Variants in PRIMA1 observed in about 807,000 individuals in gnomAD.
PRIMA1 encodes the protein proline rich membrane anchor 1.
A neutral mutation model predicts 17.5 loss-of-function variants in PRIMA1; 7 were observed. That is an observed-to-expected ratio of 0.40 (90% CI 0.23 to 0.75). The LOEUF (loss-of-function observed/expected upper bound fraction) is 0.75, where lower values mean the gene tolerates loss of function less well. Among genes scored for constraint, PRIMA1 ranks in the 30% least tolerant of loss-of-function variants. The probability of loss-of-function intolerance (pLI) is 0.37; values close to 1 mark genes in which losing one functional copy is unlikely to be tolerated. For missense variants in PRIMA1, 200 were observed against 201.8 expected (o/e 0.99, Z 0.05); for synonymous variants, 97 against 77.9 (o/e 1.25, Z -1.29).
In PRIMA1 at chr14:93,749,097, ACT is replaced by A. The variant is rs377472204; in HGVS notation, c.230-11729_230-11728del. 2.1e-3 allele frequency among the ~76,000 whole-genome samples: 319 copies of A among 151,244 alleles called. 3 individuals are homozygous for A. The highest frequency in any genetic ancestry group is 3.6e-3 in the Non-Finnish European group (244 of 67,742). On this transcript the variant is annotated intron_variant, in intron 3 of 4. Transcript: ENST00000393140. ...AAGGCCTTGTTACTCAACAGCATCT[ACT>A]CTCTTTTAGTAGCTGCATTCCACCC...
At chr14:93,786,836 C>G (rs1336934581) in intron 2 of PRIMA1, among the ~76,000 whole-genome samples, 1 of 152,186 alleles carries the variant, frequency 6.6e-6, no homozygotes, top group East Asian at 1.9e-4. Flanking sequence ...GTAATCCTTA[C>G]ATGCATTTAT....
At position 93,719,608 on chromosome 14, in the gene PRIMA1, AGAGTGCCCTGGGGT is replaced by A. The variant is rs1318924374; in HGVS notation, c.*1822_*1835del. On this transcript the variant is annotated 3_prime_UTR_variant, in exon 5 of 5. Transcript: ENST00000393140. ...ACCAGAAGGCTGAAGGCAGTAGGGG[AGAGTGCCCTGGGGT>A]GGGGTCTGCTGGGTTTCCCCCTTTA... 1 of 153,062 alleles carries A rather than the reference AGAGTGCCCTGGGGT, an allele frequency of 6.5e-6. No homozygotes were observed. Among genetic ancestry groups the A allele is most frequent in the African/African-American group, 2.4e-5 (1 of 41,556 alleles). 9.5% of individuals were successfully genotyped at this position (153,062 alleles called of 1,614,324 possible). A position where few individuals can be genotyped will look rare whatever the true frequency, so the allele number is the denominator to read the frequency against.
chr14:93,734,739 T>G (rs1404544747), intron 4 of PRIMA1, among the ~76,000 whole-genome samples: 1 of 114,412 alleles, frequency 8.7e-6, no homozygotes, highest in Admixed American at 9.1e-5. Flanking sequence ...GCCCACGCCC[T>G]GGTGGAGCCC....
chr14:93,722,987 G>A (rs989122592), intron 4 of PRIMA1, among the ~76,000 whole-genome samples: 3 of 152,080 alleles, frequency 2.0e-5, no homozygotes, highest in African/African-American at 7.3e-5. Context: ...AAGGCTGGGA[G>A]GGAGGCTCTG....
At chr14:93,783,858 A>G (rs577885655) in intron 2 of PRIMA1, among the ~76,000 whole-genome samples, 1 of 150,972 alleles carries the variant, frequency 6.6e-6, no homozygotes, top group Non-Finnish European at 1.5e-5. Context: ...CCTCTTCTCC[A>G]ACCACCATCC....
chr14:93,787,630 A>G lies in PRIMA1; in HGVS notation c.89T>C (p.Val30Ala), dbSNP rs1257343933. 1.3e-6 allele frequency: 2 copies of G among 1,541,510 alleles called. No individual in the cohort carries two copies. The highest frequency in any genetic ancestry group is 3.9e-5 in the Admixed American group (2 of 50,992). The change falls in exon 2 of 5, where the codon GTG becomes GCG. Residue 30 changes from valine to alanine, a missense_variant. Transcript: ENST00000393140. ...HCALHPLWGF[V>A]QVTHGEPQKS... is the part of the protein sequence containing the mutation. ...TGCGCAGCCGGCGCGTCTCACCTGC[A>G]CGAAGCCCCAGAGCGGGTGGAGCGC...
chr14:93,774,543 C>T (rs2141190067), intron 3 of PRIMA1, among the ~76,000 whole-genome samples: 1 of 152,352 alleles, frequency 6.6e-6, no homozygotes, highest in East Asian at 1.9e-4. Flanking sequence ...AGCAGGGAGC[C>T]TCCTGCCTGA....
intron 3 of PRIMA1, among the ~76,000 whole-genome samples, chr14:93,752,341 G>A (rs943088053): frequency 2.0e-5 from 3 of 152,160 alleles, no homozygotes; most frequent in African/African-American, 7.2e-5. Flanking sequence ...TTGGGAGACC[G>A]CAGGAGGGAG....
rs1212233425 is a variant in PRIMA1, at chr14:93,721,450, C to T, written c.456G>A (p.Val152=). ...GGGTCCAGGGCCTGCAGACTCACAC[C>T]ACTGCGTTGTTCACGTCTACTCCTT... ...SNKGVDVNNA[V]V Residue 152 remains valine (V), a synonymous_variant, in exon 5 of 5, where the codon GTG becomes GTA. Coordinates refer to ENST00000393140, the MANE Select transcript of PRIMA1 (RefSeq NM_178013.4). 1.9e-6 allele frequency: 3 copies of T among 1,609,656 alleles called. No individual in the cohort carries two copies. The highest frequency in any genetic ancestry group is 2.6e-6 in the Non-Finnish European group (3 of 1,176,192).
chr14:93,739,406 G>A (rs996037767), intron 3 of PRIMA1, among the ~76,000 whole-genome samples: 5 of 152,238 alleles, frequency 3.3e-5, no homozygotes, highest in Non-Finnish European at 7.4e-5. Flanking sequence ...TTCCAGTTCT[G>A]ACTATCTTGA....
intron 3 of PRIMA1, among the ~76,000 whole-genome samples, chr14:93,760,211 A>G (rs1234223436): frequency 6.6e-6 from 1 of 152,184 alleles, no homozygotes; most frequent in African/African-American, 2.4e-5. Flanking sequence ...AGACACACAC[A>G]TGAGCGGGGA....
chr14:93,771,002 TA>T (rs1337272583), intron 3 of PRIMA1, among the ~76,000 whole-genome samples: 2 of 152,126 alleles, frequency 1.3e-5, no homozygotes, highest in African/African-American at 4.8e-5. Context: ...ATTACATATT[TA>T]AAAGGTGGAA....
intron 2 of PRIMA1, among the ~76,000 whole-genome samples, chr14:93,784,960 A>G (rs1885479989): frequency 6.6e-6 from 1 of 152,166 alleles, no homozygotes; most frequent in South Asian, 2.1e-4. Context: ...GAGACTGACC[A>G]TGGAAGGGGT....
At chr14:93,724,669 G>A (rs141933471) in intron 4 of PRIMA1, among the ~76,000 whole-genome samples, 8 of 152,266 alleles carry the variant, frequency 5.3e-5, no homozygotes, top group East Asian at 1.9e-4. Flanking sequence ...AATATATCAC[G>A]AATACATGAA....
At chr14:93,722,867 G>T (rs73336264) in intron 4 of PRIMA1, among the ~76,000 whole-genome samples, 1 of 152,180 alleles carries the variant, frequency 6.6e-6, no homozygotes, top group African/African-American at 2.4e-5. Context: ...TCTACACTAA[G>T]TTAGTACACA....
At chr14:93,744,556 G>T (rs74076326) in intron 3 of PRIMA1, among the ~76,000 whole-genome samples, 1 of 152,190 alleles carries the variant, frequency 6.6e-6, no homozygotes, top group South Asian at 2.1e-4. Flanking sequence ...ATCAGACCTC[G>T]ATGCCTTGGC....
intron 3 of PRIMA1, among the ~76,000 whole-genome samples, chr14:93,764,822 T>C (rs1405673634): frequency 6.6e-6 from 1 of 152,162 alleles, no homozygotes; most frequent in East Asian, 1.9e-4. Flanking sequence ...GTACTGCCCG[T>C]AGCAGATGCT....
chr14:93,762,446 A>G (rs1884762420), intron 3 of PRIMA1, among the ~76,000 whole-genome samples: 1 of 151,088 alleles, frequency 6.6e-6, no homozygotes, highest in South Asian at 2.1e-4. Flanking sequence ...CACTCCAGGG[A>G]AAAGGGTCCA....
chr14:93,732,327 C>T (rs760936585), intron 4 of PRIMA1, among the ~76,000 whole-genome samples: 48 of 152,326 alleles, frequency 3.2e-4, no homozygotes, highest in Middle Eastern at 3.4e-3. Flanking sequence ...GTGCACAGGC[C>T]TGTGGGGCTC....
Sources: gnomAD v4.1 joint callset for allele counts (sites outside exome capture counted in the v4.1 genomes callset) on GRCh38, gnomAD v4.1.1 for gene constraint, MANE v1.5 for transcripts, NCBI Gene and HGNC (gene_info 2026-07-23, HGNC 2026-07-21) for gene names.